Variants in CELA3A observed in about 807,000 individuals in gnomAD.
CELA3A encodes chymotrypsin like elastase 3A.
CELA3A carries 35 observed loss-of-function variants against 38.6 expected under a neutral mutation model. The observed-to-expected ratio is 0.91, with a 90% CI of 0.69 to 1.20. The LOEUF (loss-of-function observed/expected upper bound fraction) is 1.20. Ranked by LOEUF, CELA3A falls within the 50% of genes most tolerant of loss-of-function variation. The probability of loss-of-function intolerance (pLI) is 0.00; values close to 1 mark genes in which losing one functional copy is unlikely to be tolerated. For missense variants in CELA3A, 343 were observed against 354.2 expected, an observed-to-expected ratio of 0.97 and a Z score of 0.25; for synonymous variants, 143 against 136.7, an observed-to-expected ratio of 1.05 and a Z score of -0.32.
intron 1 of CELA3A, among the ~76,000 whole-genome samples, 188 bp downstream of exon 1, chr1:22,001,905 T>G (rs1424921238): frequency 2.0e-5 from 3 of 151,012 alleles, no homozygotes; most frequent in Non-Finnish European, 4.4e-5. Context: ...GAGGGGAAGC[T>G]GTGGATGGTG....
intron 6 of CELA3A, among the ~76,000 whole-genome samples, chr1:22,007,906 C>A (rs1008857157): frequency 2.0e-5 from 3 of 151,020 alleles, no homozygotes; most frequent in African/African-American, 7.4e-5. Flanking sequence ...AATCCAAGTG[C>A]TTTGGGAGGC....
In CELA3A at chr1:22,005,666, G is replaced by T. The variant is rs377420172; in HGVS notation, c.232G>T (p.Asp78Tyr). The change falls in exon 4 of 8, where the codon GAT becomes TAT. Residue 78 changes from aspartate to tyrosine, a missense_variant. Coordinates refer to ENST00000290122, the MANE Select transcript of CELA3A (RefSeq NM_005747.5). ...VVTAGHCISRDLTYQVVLGEY... is the reference protein window; with the variant it reads ...VVTAGHCISRYLTYQVVLGEY... ...TGACCTCACCTCTGCCTGCAGGAGG[G>T]ATCTGACCTACCAGGTGGTGTTGGG... is the stretch of plus-strand genomic sequence containing the variant. 1.9e-6 allele frequency: 3 copies of T among 1,612,298 alleles called. No individual in the cohort carries two copies. The Admixed American group carries it at 5.0e-5, about 27-fold the overall frequency.
intron 3 of CELA3A, 29 bp from the exon 4 acceptor site, chr1:22,005,633 G>A: frequency 6.2e-7 from 1 of 1,612,306 alleles, no homozygotes; most frequent in Non-Finnish European, 8.5e-7. Context: ...AGCCAGTCAG[G>A]CCCCGACTGA....
At chr1:22,008,345 C>T (rs1323241944) in intron 6 of CELA3A, among the ~76,000 whole-genome samples, 2 of 150,504 alleles carry the variant, frequency 1.3e-5, no homozygotes, top group South Asian at 2.1e-4. Flanking sequence ...GAGATGAGGT[C>T]TCACCATGTT....
At chr1:22,010,895 T>C (rs915441570) in intron 7 of CELA3A, 9 of 149,624 alleles carry the variant, frequency 6.0e-5, no homozygotes, top group Non-Finnish European at 1.2e-4. Context: ...GGATCACACC[T>C]GTGAATAGCC....
rs867404337 is a variant in CELA3A, at chr1:22,006,813, C to T, written c.363-65C>T. On this transcript the variant is annotated intron_variant, in intron 4 of 7. Coordinates refer to ENST00000290122, the MANE Select transcript of CELA3A (RefSeq NM_005747.5). ...TCAGAGGTGGAATAGCCTGGAGCAACGGCTAGAAGGTAGGACTTGGGCCGG... is the reference window on the plus strand; with the variant it reads ...TCAGAGGTGGAATAGCCTGGAGCAATGGCTAGAAGGTAGGACTTGGGCCGG... 115 of 1,578,890 alleles carry T rather than the reference C, an allele frequency of 7.3e-5. 5 individuals carry two copies. In the Middle Eastern group the frequency reaches 1.7e-3, roughly 24 times the overall value.
At chr1:22,006,008 G>A (rs1389403813) in intron 4 of CELA3A, 10 of 750,774 alleles carry the variant, frequency 1.3e-5, no homozygotes, top group Admixed American at 8.8e-5. Flanking sequence ...CACCAAACCT[G>A]TCTCCCTACA....
chr1:22,003,038 A>T lies in CELA3A; in HGVS notation c.79A>T (p.Ser27Cys), dbSNP rs749409675. ...TGGCCCACCTTCCTCTCACTCTTCC[A>T]GCCGCGTTGTCCATGGTGAGGATGC... is the stretch of plus-strand genomic sequence containing the variant. Reference protein sequence around the residue: ...GYGPPSSHSSSRVVHGEDAVP... With the variant: ...GYGPPSSHSSCRVVHGEDAVP... Residue 27 changes from serine (S) to cysteine (C), a missense_variant, in exon 2 of 8, where the codon AGC becomes TGC. Physicochemically the swap from Ser to Cys is moderately radical, Grantham distance 112. Transcript: ENST00000290122. The T allele has an allele frequency of 2.3e-5, 36 of 1,571,192 alleles. 4 individuals are homozygous for T. The highest frequency in any genetic ancestry group is 3.1e-5 in the Non-Finnish European group (36 of 1,167,220).
chr1:22,007,478 T>C lies in CELA3A; in HGVS notation c.605T>C (p.Met202Thr), dbSNP rs1461704224. The C allele has an allele frequency of 3.7e-6, 6 of 1,612,192 alleles. No homozygotes were observed. Among genetic ancestry groups the C allele is most frequent in the Non-Finnish European group, 5.1e-6 (6 of 1,179,320 alleles). ...TGGGGTTCCACCGTGAAGAAAACCA[T>C]GGTGTGTGCTGGAGGGTACATCCGC... Reference protein sequence around the residue: ...NWWGSTVKKTMVCAGGYIRSG... With the variant: ...NWWGSTVKKTTVCAGGYIRSG... The change falls in exon 6 of 8, where the codon ATG becomes ACG. Residue 202 changes from methionine (M) to threonine (T), a missense_variant. Transcript: ENST00000290122.
In CELA3A at chr1:22,005,776, C is replaced by T. The variant is rs752289322; in HGVS notation, c.342C>T (p.Asn114=). The part of the protein sequence containing the change: ...SEELFVHPLW[N]RSCVACGNDI... ...AGCTGTTTGTGCATCCACTCTGGAA[C>T]CGCTCGTGTGTGGCCTGTGGGTGAG... The change falls in exon 4 of 8, where the codon AAC becomes AAT. Residue 114 remains asparagine (N), a synonymous_variant. Coordinates refer to ENST00000290122, the MANE Select transcript of CELA3A (RefSeq NM_005747.5). The T allele has an allele frequency of 6.2e-7, 1 of 1,611,716 alleles. No individual in the cohort carries two copies. The highest frequency in any genetic ancestry group is 1.1e-5 in the South Asian group (1 of 90,982).
At chr1:22,009,440 G>T (rs1569874814) in intron 6 of CELA3A, among the ~76,000 whole-genome samples, 1 of 151,284 alleles carries the variant, frequency 6.6e-6, no homozygotes, top group Non-Finnish European at 1.5e-5. Flanking sequence ...AGCTACTTGG[G>T]AGGCTGAAGC....
At chr1:22,009,679 C>T (rs753750548) in intron 6 of CELA3A, 26 bp from the exon 7 acceptor site, 6 of 1,603,180 alleles carry the variant, frequency 3.7e-6, no homozygotes, top group Non-Finnish European at 5.1e-6. Context: ...ATGGCTCAGC[C>T]ACCCACTCCT....
intron 7 of CELA3A, chr1:22,010,558 G>C (rs1236299451): frequency 5.4e-6 from 1 of 184,406 alleles, no homozygotes; most frequent in East Asian, 1.7e-4. Flanking sequence ...GGAGGTTGCA[G>C]TTAGTCGAGA....
At chr1:22,003,544 G>A (rs1262247752) in intron 2 of CELA3A, among the ~76,000 whole-genome samples, 9 of 150,520 alleles carry the variant, frequency 6.0e-5, no homozygotes, top group Non-Finnish European at 8.9e-5. Flanking sequence ...GGCCAGGTGC[G>A]GTGGCTCACG....
intron 7 of CELA3A, chr1:22,010,224 C>T (rs1644975490): frequency 2.7e-6 from 1 of 375,982 alleles, no homozygotes; most frequent in Non-Finnish European, 5.4e-6. Flanking sequence ...CTGATGAGAG[C>T]CGAGAGAGGG....
rs76102053 is a variant in CELA3A, at chr1:22,005,840, G to T, written c.362+44G>T. 3 of 1,346,282 alleles carry T rather than the reference G, an allele frequency of 2.2e-6. No homozygotes were observed. In the Admixed American group the frequency reaches 5.8e-5, roughly 26 times the overall value. 83.4% of individuals were successfully genotyped at this position (1,346,282 alleles called of 1,614,324 possible). A position where few individuals can be genotyped will look rare whatever the true frequency, so the allele number is the denominator to read the frequency against. On this transcript the variant is annotated intron_variant, in intron 4 of 7. Transcript: ENST00000290122. The stretch of plus-strand genomic sequence containing the variant: ...CTGGAACCCAGGGGCTCCTCTACTT[G>T]TCCCTCCATGACCCACAGCCAAGTC...
At position 22,009,313 on chromosome 1, in the gene CELA3A, G is replaced by A. The variant is rs1644969617; in HGVS notation, c.643-392G>A. Among the ~76,000 whole-genome samples the A allele has an allele frequency of 1.3e-5, 2 of 151,300 alleles. 1 individual carries two copies. Among genetic ancestry groups the A allele is most frequent in the Non-Finnish European group, 2.9e-5 (2 of 67,908 alleles). ...CTGGAGGCAGAGCTTGCAGTGAGCT[G>A]AGATCCTGCCACTGTACTCCAGCCT... On this transcript the variant is annotated intron_variant, in intron 6 of 7. Coordinates refer to ENST00000290122, the MANE Select transcript of CELA3A (RefSeq NM_005747.5).
intron 2 of CELA3A, among the ~76,000 whole-genome samples, chr1:22,005,164 T>C (rs534441519): frequency 0.012 from 1,774 of 150,486 alleles, 53 homozygotes; most frequent in African/African-American, 0.043. Context: ...CAAGGGCTGT[T>C]AAGAGACAGA....
chr1:22,003,955 C>A (rs188448064), intron 2 of CELA3A, among the ~76,000 whole-genome samples: 3 of 150,958 alleles, frequency 2.0e-5, no homozygotes, highest in African/African-American at 7.4e-5. Flanking sequence ...CCACCTGCCT[C>A]GGCCTCTCAA....
Sources: gnomAD v4.1 joint callset for allele counts (sites outside exome capture counted in the v4.1 genomes callset) on GRCh38, gnomAD v4.1.1 for gene constraint, MANE v1.5 for transcripts, NCBI Gene and HGNC (gene_info 2026-07-23, HGNC 2026-07-21) for gene names.